The following CASP6 variants were observed in gnomAD, a reference collection of about 807,000 sequenced individuals.
The protein encoded by CASP6 is caspase-6.
In CASP6, 20 loss-of-function variants were observed where a neutral mutation model predicts 31.8. The ratio of observed to expected loss-of-function variants is 0.63; its 90% CI spans 0.44 to 0.91. CASP6 has a LOEUF of 0.91. Among genes scored for constraint, CASP6 ranks in the 40% least tolerant of loss-of-function variants. The pLI, the probability that CASP6 is intolerant of heterozygous loss-of-function variation, is 0.00. For synonymous variants in CASP6, 130 were observed against 127.8 expected (o/e 1.02, Z -0.12); for missense variants, 328 against 361.1 (o/e 0.91, Z 0.74).
upstream of CASP6, among the ~76,000 whole-genome samples, chr4:109,707,101 C>T (rs547433393): frequency 1.3e-5 from 2 of 152,244 alleles, no homozygotes; most frequent in South Asian, 4.1e-4. Flanking sequence ...AAGGTATATA[C>T]ATTATTTTTT....
the CASP6 span, among the ~76,000 whole-genome samples, chr4:109,675,423 AAG>A: frequency 1.3e-5 from 2 of 152,224 alleles, no homozygotes; most frequent in Non-Finnish European, 2.9e-5. Flanking sequence ...CACACACACT[AAG>A]AGAGTTGAAC....
At chr4:109,683,722 A>G (rs975275653), downstream of CASP6, among the ~76,000 whole-genome samples, 6 of 152,214 alleles carry the variant, frequency 3.9e-5, no homozygotes, top group Non-Finnish European at 7.3e-5. Flanking sequence ...CTTGATGGGC[A>G]TATGGATTCT....
At chr4:109,709,532 C>T in the CASP6 span, among the ~76,000 whole-genome samples, 1 of 152,154 alleles carries the variant, frequency 6.6e-6, no homozygotes, top group Non-Finnish European at 1.5e-5. Flanking sequence ...TTCATTACAG[C>T]TTCTCTGTGC....
upstream of CASP6, among the ~76,000 whole-genome samples, chr4:109,704,731 G>C (rs1730546071): frequency 6.6e-6 from 1 of 152,208 alleles, no homozygotes; most frequent in Non-Finnish European, 1.5e-5. Context: ...TTTTGTTTTT[G>C]AGACAGTCTT....
chr4:109,684,094 G>A (rs1297024235), downstream of CASP6, among the ~76,000 whole-genome samples: 3 of 141,810 alleles, frequency 2.1e-5, no homozygotes, highest in Non-Finnish European at 4.5e-5. Flanking sequence ...GCAGAGTCTT[G>A]CACTGTCGCC....
chr4:109,684,218 A>G (rs1368262128), downstream of CASP6, among the ~76,000 whole-genome samples: 1 of 151,812 alleles, frequency 6.6e-6, no homozygotes, highest in African/African-American at 2.4e-5. Flanking sequence ...GCCTGCCACC[A>G]TGCCCGGCTA....
Position 109,690,843 on chromosome 4 carries a change from C to T in CASP6, c.643+7G>A, listed in dbSNP as rs975154956. The T allele has an allele frequency of 6.2e-6, 10 of 1,600,226 alleles. No homozygotes were observed. Among genetic ancestry groups the T allele is most frequent in the Middle Eastern group, 3.3e-4 (2 of 5,982 alleles). On this transcript the variant is annotated splice_region_variant and intron_variant, in intron 6 of 6. Coordinates refer to ENST00000265164, the MANE Select transcript of CASP6 (RefSeq NM_001226.4). ...GCAATTATATGTTTGTTTTAAACACCACACACCTTCTGCAACAGAGTAACA... is the reference window on the plus strand; with the variant it reads ...GCAATTATATGTTTGTTTTAAACACTACACACCTTCTGCAACAGAGTAACA...
the CASP6 span, among the ~76,000 whole-genome samples, chr4:109,680,444 C>T: frequency 1.1e-4 from 16 of 152,254 alleles, no homozygotes; most frequent in East Asian, 1.5e-3. Context: ...GTTCAGTTCA[C>T]GCTGGACCCT....
upstream of CASP6, among the ~76,000 whole-genome samples, chr4:109,704,824 C>T (rs941413835): frequency 6.6e-6 from 1 of 152,202 alleles, no homozygotes; most frequent in Admixed American, 6.5e-5. Context: ...TCTGCCTCAG[C>T]CTCCCAAGTA....
the CASP6 span, chr4:109,674,005 A>T: frequency 8.4e-7 from 1 of 1,183,734 alleles, no homozygotes; most frequent in African/African-American, 1.5e-5. Context: ...GGGAAATACT[A>T]AAATGTCCAT....
upstream of CASP6, among the ~76,000 whole-genome samples, chr4:109,705,773 G>A (rs1730580266): frequency 6.7e-6 from 1 of 149,720 alleles, no homozygotes; most frequent in African/African-American, 2.4e-5. Context: ...CAGGAGTTTT[G>A]AGACCAGCCT....
intron 1 of CASP6, among the ~76,000 whole-genome samples, chr4:109,702,176 G>A (rs1195945699): frequency 1.3e-5 from 2 of 152,178 alleles, no homozygotes; most frequent in Non-Finnish European, 2.9e-5. Context: ...ACTGGACCCT[G>A]CACTGTGCCT....
chr4:109,680,100 C>T, the CASP6 span, among the ~76,000 whole-genome samples: 7 of 152,232 alleles, frequency 4.6e-5, no homozygotes, highest in South Asian at 1.0e-3. Flanking sequence ...CCTCACCTGG[C>T]CTGAGGGTAT....
chr4:109,707,106 T>C (rs532833580), upstream of CASP6, among the ~76,000 whole-genome samples: 18 of 152,276 alleles, frequency 1.2e-4, no homozygotes, highest in South Asian at 1.7e-3. Context: ...ATATACATTA[T>C]TTTTTTAGAC....
chr4:109,687,573 A>G, downstream of CASP6: 5 of 1,608,696 alleles, frequency 3.1e-6, no homozygotes, highest in Non-Finnish European at 4.3e-6. Flanking sequence ...CAAGTAGAAG[A>G]ACTCAATGAA....
At chr4:109,677,137 G>C in the CASP6 span, among the ~76,000 whole-genome samples, 1 of 152,246 alleles carries the variant, frequency 6.6e-6, no homozygotes, top group Non-Finnish European at 1.5e-5. Flanking sequence ...TTGTTCTGAA[G>C]TTTTAAGATT....
At chr4:109,697,516 C>T in intron 3 of CASP6, 106 bp downstream of exon 3, 1 of 1,314,764 alleles carries the variant, frequency 7.6e-7, no homozygotes, top group Non-Finnish European at 1.0e-6. Context: ...ATCCTCCCAC[C>T]TTGGCTTCCC....
rs371341686 is a variant in CASP6, at chr4:109,698,289, C to G, written c.83+11G>C. 2 of 1,604,054 alleles carry G rather than the reference C, an allele frequency of 1.2e-6. No homozygotes were observed. The highest frequency in any genetic ancestry group is 2.2e-5 in the East Asian group (1 of 44,476). On this transcript the variant is annotated intron_variant, in intron 2 of 6. Transcript: ENST00000265164. ...GGAAGAGACCTTTATTAGAAAAGAGCACAGCTTTACCTTTTATAGAAGGCA... is the reference window on the plus strand; with the variant it reads ...GGAAGAGACCTTTATTAGAAAAGAGGACAGCTTTACCTTTTATAGAAGGCA...
At chr4:109,701,842 C>T (rs5030525) in intron 1 of CASP6, among the ~76,000 whole-genome samples, 4,058 of 152,242 alleles carry the variant, frequency 0.027, 164 homozygotes, top group African/African-American at 0.092. Flanking sequence ...CAAAGTGAAG[C>T]TGGGATTGAA....
Sources: gnomAD v4.1 joint callset for allele counts (sites outside exome capture counted in the v4.1 genomes callset) on GRCh38, gnomAD v4.1.1 for gene constraint, MANE v1.5 for transcripts, NCBI Gene and HGNC (gene_info 2026-07-23, HGNC 2026-07-21) for gene names.